The following ZNF787 variants were observed in gnomAD, a reference collection of about 807,000 sequenced individuals.
The protein encoded by ZNF787 is TTF-I-interacting peptide 20.
In ZNF787, 7 loss-of-function variants were observed where a neutral mutation model predicts 16.9. The observed-to-expected ratio is 0.42, with a 90% CI of 0.24 to 0.78. ZNF787 has a LOEUF of 0.78. ZNF787 is among the 30% of genes least tolerant of loss of function. The pLI, the probability that ZNF787 is intolerant of heterozygous loss-of-function variation, is 0.30. For synonymous variants in ZNF787, 345 were observed against 270.9 expected (o/e 1.27, Z -2.69); for missense variants, 551 against 589.3 (o/e 0.94, Z 0.67).
intron 2 of ZNF787, among the ~76,000 whole-genome samples, chr19:56,101,381 G>C (rs547904152): frequency 6.6e-6 from 1 of 152,404 alleles, no homozygotes; most frequent in South Asian, 2.1e-4. Flanking sequence ...CCCGGAGCCA[G>C]CTGCCTGGTG....
intron 2 of ZNF787, among the ~76,000 whole-genome samples, chr19:56,100,446 G>T (rs958863022): frequency 5.3e-5 from 8 of 152,082 alleles, no homozygotes; most frequent in African/African-American, 1.9e-4. Context: ...GGGCCTGGAC[G>T]CTAATTCCGC....
intron 1 of ZNF787, among the ~76,000 whole-genome samples, chr19:56,110,641 T>G (rs2029953722): frequency 6.6e-6 from 1 of 152,182 alleles, no homozygotes; most frequent in African/African-American, 2.4e-5. Flanking sequence ...CAAGTGGTGA[T>G]AATGTACTTC....
chr19:56,109,807 C>T (rs1568533665), intron 1 of ZNF787, among the ~76,000 whole-genome samples: 1 of 152,028 alleles, frequency 6.6e-6, no homozygotes, highest in Admixed American at 6.5e-5. Context: ...TGGCGTGAAC[C>T]CGGGAGGCGG....
At chr19:56,106,469 G>C (rs984432724) in intron 1 of ZNF787, among the ~76,000 whole-genome samples, 3 of 152,234 alleles carry the variant, frequency 2.0e-5, no homozygotes, top group Admixed American at 6.5e-5. Flanking sequence ...GCAGGCCCCA[G>C]CCCGCCCGCG....
intron 2 of ZNF787, among the ~76,000 whole-genome samples, chr19:56,097,515 G>A (rs751891337): frequency 6.6e-6 from 1 of 152,274 alleles, no homozygotes; most frequent in Admixed American, 6.5e-5. Flanking sequence ...CCGGCAGGCA[G>A]TAGGATGGAC....
intron 2 of ZNF787, chr19:56,102,330 G>A (rs77509235): frequency 0.039 from 5,925 of 153,040 alleles, 183 homozygotes; most frequent in Non-Finnish European, 0.063. Flanking sequence ...CCCGGCCAGC[G>A]TGGGGCCAGC....
chr19:56,087,530 AAAT>A lies in ZNF787; in HGVS notation c.*490_*492del, dbSNP rs951925149. On this transcript the variant is annotated 3_prime_UTR_variant, in exon 3 of 3. Coordinates refer to ENST00000610935, the MANE Select transcript of ZNF787 (RefSeq NM_001002836.4). ...AGGATGGGACCCGGAAGGCAGAAAA[AAAT>A]AATGGATTGGGGCGGGCGGGGAGTC... 3.9e-5 allele frequency: 6 copies of A among 152,290 alleles called. No homozygotes were observed. Among genetic ancestry groups the A allele is most frequent in the Non-Finnish European group, 5.9e-5 (4 of 68,140 alleles). 9.4% of individuals were successfully genotyped at this position (152,290 alleles called of 1,614,324 possible). A position where few individuals can be genotyped will look rare whatever the true frequency, so the allele number is the denominator to read the frequency against.
intron 1 of ZNF787, among the ~76,000 whole-genome samples, chr19:56,105,187 GCAGCCCTCC>G (rs1379578417): frequency 1.3e-5 from 2 of 152,100 alleles, no homozygotes; most frequent in East Asian, 3.9e-4. Context: ...AGGCTCTGAG[GCAGCCCTCC>G]CAGCCCTTCT....
Position 56,088,256 on chromosome 19 carries a change from C to T in ZNF787, c.916G>A (p.Gly306Arg). 1.4e-6 allele frequency: 2 copies of T among 1,453,426 alleles called. No individual in the cohort carries two copies. Among genetic ancestry groups the T allele is most frequent in the East Asian group, 3.2e-5 (1 of 31,396 alleles). 90.0% of individuals were successfully genotyped at this position (1,453,426 alleles called of 1,614,324 possible). A position where few individuals can be genotyped will look rare whatever the true frequency, so the allele number is the denominator to read the frequency against. ...LAHQRAQHGD[G>R]LGAAGGEEPA... Reference sequence around the variant, plus strand: ...TCCTCGCCCCCCGCCGCCCCGAGCCCGTCCCCGTGCTGGGCCCGCTGGTGC... The same window carrying T: ...TCCTCGCCCCCCGCCGCCCCGAGCCTGTCCCCGTGCTGGGCCCGCTGGTGC... The change falls in exon 3 of 3, where the codon GGG (glycine) becomes AGG (arginine). Residue 306 changes from glycine (G) to arginine (R), a missense_variant. Around this residue, in one of 4 missense-constraint regions of ZNF787, gnomAD observed 392 missense variants for 312.7 expected, o/e 1.25. Coordinates refer to ENST00000610935, the MANE Select transcript of ZNF787 (RefSeq NM_001002836.4). The surrounding 1 kb of genome is among the most constrained non-coding windows in gnomAD (Gnocchi z 8.6).
chr19:56,117,263 G>A (rs896314643), intron 1 of ZNF787, among the ~76,000 whole-genome samples: 2 of 152,040 alleles, frequency 1.3e-5, no homozygotes, highest in Non-Finnish European at 2.9e-5. Flanking sequence ...GAGCCACAGC[G>A]AGGCTTTCAA....
chr19:56,088,293 G>C lies in ZNF787; in HGVS notation c.879C>G (p.Ala293=). 6 of 1,361,840 alleles carry C rather than the reference G, an allele frequency of 4.4e-6. No individual in the cohort carries two copies. The highest frequency in any genetic ancestry group is 5.7e-6 in the Non-Finnish European group (6 of 1,061,172). 84.4% of individuals were successfully genotyped at this position (1,361,840 alleles called of 1,614,324 possible). A position where few individuals can be genotyped will look rare whatever the true frequency, so the allele number is the denominator to read the frequency against. The change falls in exon 3 of 3, where the codon GCC becomes GCG. Residue 293 remains alanine (A), a synonymous_variant. Coordinates refer to ENST00000610935, the MANE Select transcript of ZNF787 (RefSeq NM_001002836.4). This position sits in a 1 kb window ranked among gnomAD's most constrained non-coding sequence, Gnocchi z 8.6. ...LECGKGFGHG[A]GLLAHQRAQH... ...GGGCCCGCTGGTGCGCCAGGAGCCC[G>C]GCCCCGTGCCCGAAGCCCTTCCCGC...
chr19:56,110,361 C>CAA (rs761035056), intron 1 of ZNF787, among the ~76,000 whole-genome samples: 28 of 112,916 alleles, frequency 2.5e-4, no homozygotes, highest in African/African-American at 6.7e-4. Flanking sequence ...GACTCCGTCT[C>CAA]AAAAAAAAAA....
At chr19:56,119,113 G>A (rs1421799138) in intron 1 of ZNF787, among the ~76,000 whole-genome samples, 1 of 152,134 alleles carries the variant, frequency 6.6e-6, no homozygotes, top group African/African-American at 2.4e-5. Flanking sequence ...CTGCCAGGCT[G>A]CCCAGCACGG....
At position 56,088,494 on chromosome 19, in the gene ZNF787, C is replaced by T. The variant is rs185013432; in HGVS notation, c.678G>A (p.Ala226=). The change falls in exon 3 of 3, where the codon GCG becomes GCA. Residue 226 remains alanine, a synonymous_variant. Coordinates refer to ENST00000610935, the MANE Select transcript of ZNF787 (RefSeq NM_001002836.4). This position sits in a 1 kb window ranked among gnomAD's most constrained non-coding sequence, Gnocchi z 8.6. ...SVRRAKGPEE[A]VAADGEIAIP... ...TGGCGATCTCGCCGTCCGCCGCCAC[C>T]GCCTCTTCGGGCCCCTTGGCCCGCC... is the stretch of plus-strand genomic sequence containing the variant. The T allele has an allele frequency of 2.9e-6, 4 of 1,381,122 alleles. No homozygotes were observed. In the East Asian group the frequency reaches 1.0e-4, roughly 34 times the overall value. 85.6% of individuals were successfully genotyped at this position (1,381,122 alleles called of 1,614,324 possible).
intron 1 of ZNF787, among the ~76,000 whole-genome samples, chr19:56,105,039 A>T (rs1298847463): frequency 1.3e-5 from 2 of 152,184 alleles, no homozygotes; most frequent in African/African-American, 4.8e-5. Flanking sequence ...AAGGCAGGAG[A>T]ATTGCTGAAA....
chr19:56,111,416 G>A (rs1282139665), intron 1 of ZNF787, among the ~76,000 whole-genome samples: 3 of 152,206 alleles, frequency 2.0e-5, no homozygotes, highest in East Asian at 3.9e-4. Context: ...AGGGCTTGGT[G>A]CTGGGGGCTC....
At chr19:56,119,624 C>G (rs1002807812) in intron 1 of ZNF787, among the ~76,000 whole-genome samples, 1 of 152,224 alleles carries the variant, frequency 6.6e-6, no homozygotes, top group African/African-American at 2.4e-5. Context: ...GGGACTTGAA[C>G]CCAGGCCTGC....
At chr19:56,096,249 A>T (rs58458968) in intron 2 of ZNF787, among the ~76,000 whole-genome samples, 9,784 of 116,844 alleles carry the variant, frequency 0.084, 1,029 homozygotes, top group African/African-American at 0.25. Context: ...AAAAAATAAA[A>T]AAATAAAAAA....
At chr19:56,115,386 T>C (rs963462547) in intron 1 of ZNF787, among the ~76,000 whole-genome samples, 2 of 123,138 alleles carry the variant, frequency 1.6e-5, no homozygotes, top group Non-Finnish European at 3.3e-5. Flanking sequence ...TGAGACGGAG[T>C]CTTGCTCTGT....
Sources: allele counts gnomAD v4.1 joint callset (sites outside exome capture counted in the v4.1 genomes callset), GRCh38; gene constraint gnomAD v4.1.1; regional missense constraint gnomAD v4.1.1; non-coding constraint Gnocchi (gnomAD v3.1); transcripts MANE v1.5; gene names NCBI Gene and HGNC (gene_info 2026-07-23, HGNC 2026-07-21).